Variants in ARHGAP18 observed in about 807,000 individuals in gnomAD.
ARHGAP18 encodes the protein Rho GTPase activating protein 18.
ARHGAP18 carries 67 observed loss-of-function variants against 86.2 expected under a neutral mutation model. The ratio of observed to expected loss-of-function variants is 0.78; its 90% CI spans 0.64 to 0.95. The LOEUF is 0.95. Ranked by LOEUF, ARHGAP18 falls within the 40% of genes least tolerant of loss-of-function variation. The pLI is 0.00. For synonymous variants in ARHGAP18, 283 were observed against 280.4 expected, an observed-to-expected ratio of 1.01 and a Z score of -0.09; for missense variants, 691 against 780.4, an observed-to-expected ratio of 0.89 and a Z score of 1.37.
chr6:129,709,864 A>C (rs1774874296), intron 1 of ARHGAP18, among the ~76,000 whole-genome samples, 160 bp downstream of exon 1: 1 of 152,238 alleles, frequency 6.6e-6, no homozygotes, highest in Non-Finnish European at 1.5e-5. Context: ...GGTGAGATGA[A>C]AAGTACATAA....
chr6:129,582,995 A>G (rs1002876799), intron 13 of ARHGAP18, among the ~76,000 whole-genome samples: 8 of 152,318 alleles, frequency 5.3e-5, no homozygotes, highest in Non-Finnish European at 1.2e-4. Context: ...CCCTATGGGA[A>G]GGTACTTTAA....
At chr6:129,621,746 A>G (rs539466780) in intron 5 of ARHGAP18, among the ~76,000 whole-genome samples, 1 of 152,292 alleles carries the variant, frequency 6.6e-6, no homozygotes, top group East Asian at 1.9e-4. Context: ...GTGTCATGGC[A>G]AGGTAAGAAA....
chr6:129,630,916 A>C (rs998249859), intron 4 of ARHGAP18, among the ~76,000 whole-genome samples: 1 of 152,232 alleles, frequency 6.6e-6, no homozygotes, highest in Non-Finnish European at 1.5e-5. Flanking sequence ...GCCAATTCCA[A>C]AACTAAGAAT....
chr6:129,595,857 T>G (rs896848650), intron 12 of ARHGAP18, among the ~76,000 whole-genome samples: 4 of 152,154 alleles, frequency 2.6e-5, no homozygotes, highest in Non-Finnish European at 5.9e-5. Context: ...ATCCTTCCAA[T>G]TTCTCAGGCC....
At chr6:129,625,104 T>TAA (rs1562696218) in intron 5 of ARHGAP18, among the ~76,000 whole-genome samples, 1 of 78,322 alleles carries the variant, frequency 1.3e-5, no homozygotes, top group Non-Finnish European at 2.3e-5. Flanking sequence ...ATGATATATA[T>TAA]TATATATTAT....
Position 129,683,148 on chromosome 6 carries a change from T to G in ARHGAP18, c.113+26876A>C, listed in dbSNP as rs564373299. On this transcript the variant is annotated intron_variant, in intron 1 of 14. Transcript: ENST00000368149. ...CTGCAGTGGCGTGATCTCGGCTCAC[T>G]GCAAGCTCCACCTCCCAGGTTCACA... 9.2e-5 allele frequency among the ~76,000 whole-genome samples: 14 copies of G among 151,724 alleles called. No homozygotes were observed. The South Asian group carries it at 2.9e-3, about 32-fold the overall frequency.
intron 1 of ARHGAP18, among the ~76,000 whole-genome samples, chr6:129,708,300 C>A (rs991546695): frequency 4.6e-5 from 7 of 152,178 alleles, no homozygotes; most frequent in Non-Finnish European, 1.0e-4. Context: ...AGCAAAGGAG[C>A]TCACCTGGAG....
At chr6:129,683,133 G>A (rs527258580) in intron 1 of ARHGAP18, among the ~76,000 whole-genome samples, 4 of 150,770 alleles carry the variant, frequency 2.7e-5, no homozygotes, top group Admixed American at 6.6e-5. Context: ...CTGCAGTGGC[G>A]TGATCTCGGC....
intron 7 of ARHGAP18, among the ~76,000 whole-genome samples, chr6:129,614,499 G>C (rs1789051611): frequency 6.6e-6 from 1 of 151,754 alleles, no homozygotes; most frequent in Non-Finnish European, 1.5e-5. Context: ...GAATGTTAAG[G>C]GACCAAAAAT....
chr6:129,698,577 C>T (rs1379342892), intron 1 of ARHGAP18, among the ~76,000 whole-genome samples: 4 of 148,652 alleles, frequency 2.7e-5, no homozygotes, highest in African/African-American at 9.9e-5. Flanking sequence ...TAGTCTTGCT[C>T]TTTCACCCAG....
chr6:129,697,383 C>A (rs1279336434), intron 1 of ARHGAP18, among the ~76,000 whole-genome samples: 1 of 152,090 alleles, frequency 6.6e-6, no homozygotes, highest in Non-Finnish European at 1.5e-5. Context: ...ACCACCTTCT[C>A]CTTCAGGATA....
intron 1 of ARHGAP18, among the ~76,000 whole-genome samples, chr6:129,699,760 A>T (rs988852398): frequency 3.9e-5 from 6 of 152,120 alleles, no homozygotes; most frequent in African/African-American, 1.4e-4. Context: ...CACACCCACC[A>T]AAAAAGTCCC....
At chr6:129,626,864 A>G (rs531298963) in intron 5 of ARHGAP18, among the ~76,000 whole-genome samples, 3 of 152,252 alleles carry the variant, frequency 2.0e-5, no homozygotes, top group Admixed American at 6.5e-5. Context: ...CCTGAGAACT[A>G]CAATTCACAG....
At position 129,625,096 on chromosome 6, in the gene ARHGAP18, GAT is replaced by G. The variant is rs1396665535; in HGVS notation, c.786+4255_786+4256del. On this transcript the variant is annotated intron_variant, in intron 5 of 14. Transcript: ENST00000368149. The stretch of plus-strand genomic sequence containing the variant: ...ATAATATATATGATATATGATATAT[GAT>G]ATATATTATATATTATATAGATATA... Among the ~76,000 whole-genome samples, 76 of 65,486 alleles carry G rather than the reference GAT, an allele frequency of 1.2e-3. 3 individuals are homozygous for G. The highest frequency in any genetic ancestry group is 4.1e-3 in the African/African-American group (65 of 15,892). 43.0% of individuals were successfully genotyped at this position (65,486 alleles called of 152,430 possible). A position where few individuals can be genotyped will look rare whatever the true frequency, so the allele number is the denominator to read the frequency against.
At chr6:129,645,406 G>A (rs1469089164) in intron 1 of ARHGAP18, among the ~76,000 whole-genome samples, 2 of 152,148 alleles carry the variant, frequency 1.3e-5, no homozygotes, top group East Asian at 3.9e-4. Flanking sequence ...TAGATGTAAT[G>A]AAGTACAGAG....
At chr6:129,595,138 C>T (rs1206841211) in intron 12 of ARHGAP18, among the ~76,000 whole-genome samples, 2 of 151,708 alleles carry the variant, frequency 1.3e-5, no homozygotes, top group South Asian at 4.1e-4. Flanking sequence ...ATAAATATTA[C>T]GAGACAATAT....
chr6:129,610,492 C>G (rs145463356), intron 8 of ARHGAP18, among the ~76,000 whole-genome samples: 21 of 152,268 alleles, frequency 1.4e-4, no homozygotes, highest in African/African-American at 4.3e-4. Flanking sequence ...CTCAGGCTAC[C>G]CTGGATGCAG....
chr6:129,676,642 G>A (rs1374338606), intron 1 of ARHGAP18, among the ~76,000 whole-genome samples: 1 of 152,110 alleles, frequency 6.6e-6, no homozygotes, highest in Non-Finnish European at 1.5e-5. Flanking sequence ...TAAAGCGCCT[G>A]CAAAGTGTGA....
Position 129,641,834 on chromosome 6 carries a change from C to A in ARHGAP18, c.298G>T (p.Val100Phe). 1 of 1,613,626 alleles carries A rather than the reference C, an allele frequency of 6.2e-7. No homozygotes were observed. ...TTATTACCATCAGGCTCTTTGACAA[C>A]AACCACCTCTTGATCTTCTTGGCTG... ...ENSQEDQEVV[V>F]VKEPDEGELE... Residue 100 changes from valine (V) to phenylalanine (F), a missense_variant, in exon 2 of 15, where the codon GTT becomes TTT. Coordinates refer to ENST00000368149, the MANE Select transcript of ARHGAP18 (RefSeq NM_033515.3).
Sources: allele counts gnomAD v4.1 joint callset (sites outside exome capture counted in the v4.1 genomes callset), GRCh38; gene constraint gnomAD v4.1.1; transcripts MANE v1.5; gene names NCBI Gene and HGNC (gene_info 2026-07-23, HGNC 2026-07-21).